AKAIN1: variants seen among roughly 807,000 people sequenced by gnomAD.
The protein encoded by AKAIN1 is A-kinase anchor inhibitor 1.
In AKAIN1, 3 loss-of-function variants were observed where a neutral mutation model predicts 3.7. The observed-to-expected ratio is 0.82, with a 90% CI of 0.37 to 2.12. AKAIN1 has a LOEUF of 2.12. Among genes scored for constraint, AKAIN1 ranks in the 30% most tolerant of loss-of-function variants. The pLI, the probability that AKAIN1 is intolerant of heterozygous loss-of-function variation, is 0.06. For synonymous variants in AKAIN1, 31 were observed against 30.8 expected (o/e 1.01, Z -0.02); for missense variants, 82 against 82.7 (o/e 0.99, Z 0.03).
rs550244421 is a variant in AKAIN1 at position 5,143,240 on chromosome 18, G to A, written c.*2322C>T. ...TCTTCATACTGAAAGATCTGTAAAA[G>A]TTTATAGGTCTTTAACTCGTTTGTT... On this transcript the variant is annotated 3_prime_UTR_variant, in exon 2 of 2. Coordinates refer to ENST00000434239, the MANE Select transcript of AKAIN1 (RefSeq NM_001145194.2). 6.6e-6 allele frequency among the ~76,000 whole-genome samples: 1 copy of A among 152,310 alleles called. No individual in the cohort carries two copies. The highest frequency in any genetic ancestry group is 1.9e-4 in the East Asian group (1 of 5,190).
intron 1 of AKAIN1, among the ~76,000 whole-genome samples, chr18:5,149,515 C>G (rs917665784): frequency 2.6e-5 from 4 of 152,190 alleles, no homozygotes; most frequent in South Asian, 2.1e-4. Context: ...ATTGTACCAC[C>G]TAGGTTATCC....
chr18:5,155,289 C>T (rs2071101215), intron 1 of AKAIN1, among the ~76,000 whole-genome samples: 1 of 152,136 alleles, frequency 6.6e-6, no homozygotes, highest in Admixed American at 6.5e-5. Flanking sequence ...CTTTTGATGT[C>T]AGGGGGCTGA....
At chr18:5,180,324 C>A (rs1222756244) in intron 1 of AKAIN1, among the ~76,000 whole-genome samples, 2 of 152,088 alleles carry the variant, frequency 1.3e-5, no homozygotes, top group African/African-American at 4.8e-5. Context: ...TAACTGATAT[C>A]TTCAGCTCCA....
Position 5,179,423 on chromosome 18 carries a change from G to GTATA in AKAIN1, c.16+17611_16+17614dup, listed in dbSNP as rs148703559. ...TATATGTATGTATGTATGTATGTGT[G>GTATA]TATATATATATATATGTATACCATA... On this transcript the variant is annotated intron_variant, in intron 1 of 1. Coordinates refer to ENST00000434239, the MANE Select transcript of AKAIN1 (RefSeq NM_001145194.2). 3.4e-3 allele frequency among the ~76,000 whole-genome samples: 515 copies of GTATA among 149,454 alleles called. 4 individuals carry two copies. Among genetic ancestry groups the GTATA allele is most frequent in the Non-Finnish European group, 5.3e-3 (357 of 67,390 alleles).
intron 1 of AKAIN1, among the ~76,000 whole-genome samples, chr18:5,148,040 C>A (rs1188240672): frequency 6.6e-6 from 1 of 152,188 alleles, no homozygotes; most frequent in Non-Finnish European, 1.5e-5. Context: ...GGGCAAGTAT[C>A]ATTAATTTAG....
intron 1 of AKAIN1, among the ~76,000 whole-genome samples, chr18:5,172,703 A>T (rs976258938): frequency 1.3e-5 from 2 of 151,718 alleles, no homozygotes; most frequent in African/African-American, 2.4e-5. Flanking sequence ...TCTTTTATTT[A>T]TATTTATTAA....
At chr18:5,177,738 G>T (rs964782176) in intron 1 of AKAIN1, among the ~76,000 whole-genome samples, 4 of 152,054 alleles carry the variant, frequency 2.6e-5, no homozygotes, top group African/African-American at 9.7e-5. Context: ...GACAAAAATA[G>T]AAGCCTTGAA....
intron 1 of AKAIN1, among the ~76,000 whole-genome samples, chr18:5,164,190 T>C (rs1291638985): frequency 6.6e-6 from 1 of 152,110 alleles, no homozygotes; most frequent in Non-Finnish European, 1.5e-5. Flanking sequence ...GAAATGATTT[T>C]ATATAAAATT....
At chr18:5,154,013 C>G (rs527564217) in intron 1 of AKAIN1, among the ~76,000 whole-genome samples, 1 of 152,292 alleles carries the variant, frequency 6.6e-6, no homozygotes, top group East Asian at 1.9e-4. Flanking sequence ...GGGAGGATCA[C>G]TTGTGTCTGG....
In AKAIN1 at chr18:5,151,130, C is replaced by A. The variant is rs1482926047; in HGVS notation, c.17-5375G>T. ...GCAAGACAGGACTCCAGCACCACTC[C>A]CTGCACACACACTGTAATACACAGG... On this transcript the variant is annotated intron_variant, in intron 1 of 1. Transcript: ENST00000434239. Among the ~76,000 whole-genome samples, 5 of 151,878 alleles carry A rather than the reference C, an allele frequency of 3.3e-5. No homozygotes were observed. The East Asian group carries it at 9.6e-4, about 29-fold the overall frequency.
intron 1 of AKAIN1, among the ~76,000 whole-genome samples, chr18:5,176,928 T>G (rs186763478): frequency 6.6e-6 from 1 of 152,254 alleles, no homozygotes; most frequent in Admixed American, 6.5e-5. Flanking sequence ...AAAGTCTTCA[T>G]GTACTTCCAA....
chr18:5,178,111 G>T (rs1206782616), intron 1 of AKAIN1, among the ~76,000 whole-genome samples: 1 of 152,116 alleles, frequency 6.6e-6, no homozygotes, highest in Admixed American at 6.6e-5. Context: ...CCTGCTTTCT[G>T]CCCTGTGTTT....
intron 1 of AKAIN1, among the ~76,000 whole-genome samples, chr18:5,196,382 C>T (rs1052671439): frequency 6.6e-6 from 1 of 152,240 alleles, no homozygotes; most frequent in African/African-American, 2.4e-5. Context: ...TCTGACTCTT[C>T]GCCAACTAGT....
intron 1 of AKAIN1, among the ~76,000 whole-genome samples, chr18:5,176,994 G>A (rs906701029): frequency 2.0e-5 from 3 of 151,424 alleles, no homozygotes; most frequent in Non-Finnish European, 2.9e-5. Context: ...TGTTGGTCTC[G>A]GGATGCAATG....
At chr18:5,196,213 G>C (rs73371910) in intron 1 of AKAIN1, among the ~76,000 whole-genome samples, 1 of 152,260 alleles carries the variant, frequency 6.6e-6, no homozygotes, top group East Asian at 1.9e-4. Context: ...ATGCGTGAGA[G>C]AGAAATACTT....
In AKAIN1 at chr18:5,167,794, C is replaced by G. The variant is rs539430261; in HGVS notation, c.17-22039G>C. Among the ~76,000 whole-genome samples the G allele has an allele frequency of 1.2e-4, 18 of 152,168 alleles. No homozygotes were observed. The South Asian group carries it at 1.2e-3, about 11-fold the overall frequency. ...GCCTTTTTTCATACTTTCACCCCAC[C>G]AGCAGTGCTCTATGCCATTCTTTGC... is the stretch of plus-strand genomic sequence containing the variant. On this transcript the variant is annotated intron_variant, in intron 1 of 1. Transcript: ENST00000434239.
intron 1 of AKAIN1, among the ~76,000 whole-genome samples, chr18:5,179,327 A>G (rs540680657): frequency 6.6e-6 from 1 of 152,158 alleles, no homozygotes; most frequent in South Asian, 2.1e-4. Context: ...TGAGTTGTTT[A>G]ACTGATAATG....
intron 1 of AKAIN1, among the ~76,000 whole-genome samples, chr18:5,175,579 A>C (rs1444744506): frequency 6.6e-6 from 1 of 152,120 alleles, no homozygotes. Context: ...AGTGAGCCAA[A>C]GGTAGAGCAT....
intron 1 of AKAIN1, among the ~76,000 whole-genome samples, chr18:5,159,747 T>C (rs2071128635): frequency 6.6e-6 from 1 of 152,190 alleles, no homozygotes; most frequent in South Asian, 2.1e-4. Context: ...GTTAGTTGGT[T>C]TGTCTGTTTA....
Sources: allele counts gnomAD v4.1 joint callset (sites outside exome capture counted in the v4.1 genomes callset), GRCh38; gene constraint gnomAD v4.1.1; transcripts MANE v1.5; gene names NCBI Gene and HGNC (gene_info 2026-07-23, HGNC 2026-07-21).